The following CEP192 variants were observed in gnomAD, a reference collection of about 807,000 sequenced individuals.
CEP192 encodes centrosomal protein 192, also known as centrosomal protein of 192 kDa.
CEP192 carries 151 observed loss-of-function variants against 271.8 expected under a neutral mutation model. The observed-to-expected ratio is 0.56, with a 90% CI of 0.49 to 0.64. The LOEUF (loss-of-function observed/expected upper bound fraction) is 0.64. Among genes scored for constraint, CEP192 ranks in the 30% least tolerant of loss-of-function variants. CEP192 has a pLI of 0.00. For synonymous variants in CEP192, 995 were observed against 1,076.5 expected, an observed-to-expected ratio of 0.92 and a Z score of 1.48; for missense variants, 2,910 against 3,020.5, an observed-to-expected ratio of 0.96 and a Z score of 0.86.
chr18:13,082,186 T>A (rs1311803299), intron 30 of CEP192, among the ~76,000 whole-genome samples: 3 of 152,160 alleles, frequency 2.0e-5, no homozygotes, highest in East Asian at 3.9e-4. Flanking sequence ...TGTTGATGTG[T>A]CTAATATTGA....
chr18:13,094,916 AT>A (rs1231685018), intron 34 of CEP192, among the ~76,000 whole-genome samples: 1 of 151,958 alleles, frequency 6.6e-6, no homozygotes, highest in South Asian at 2.1e-4. Context: ...TAATCCCCCT[AT>A]TTTTTAACTA....
At chr18:13,018,697 A>G in intron 8 of CEP192, 82 bp downstream of exon 8, 1 of 991,564 alleles carries the variant, frequency 1.0e-6, no homozygotes, top group South Asian at 2.1e-5. Context: ...TTTCTCTGGT[A>G]TGATTTAGCA....
chr18:13,092,598 T>G, intron 34 of CEP192, 71 bp downstream of exon 34: 1 of 1,064,218 alleles, frequency 9.4e-7, no homozygotes, highest in Non-Finnish European at 1.4e-6. Flanking sequence ...CTGATCTTTT[T>G]TCCTGTACTT....
At chr18:13,117,779 C>A (rs899188864) in intron 44 of CEP192, 136 bp downstream of exon 44, 19 of 614,430 alleles carry the variant, frequency 3.1e-5, no homozygotes, top group Non-Finnish European at 4.6e-5. Flanking sequence ...TAGGCAGAGT[C>A]TCCGCAAGTA....
At chr18:13,067,481 TTCA>T (rs1404134593) in intron 21 of CEP192, among the ~76,000 whole-genome samples, 1 of 152,212 alleles carries the variant, frequency 6.6e-6, no homozygotes, top group East Asian at 1.9e-4. Context: ...TGCCAAGATA[TTCA>T]TGATCTTTTT....
chr18:13,068,283 A>C, intron 23 of CEP192, 46 bp downstream of exon 23: 2 of 1,605,712 alleles, frequency 1.2e-6, no homozygotes, highest in Non-Finnish European at 1.7e-6. Flanking sequence ...TAAGCTTCTA[A>C]ACCTCTTTTC....
At chr18:13,008,423 AT>A (rs2034114911) in intron 3 of CEP192, 32 bp from the exon 4 acceptor site, 2 of 1,420,274 alleles carry the variant, frequency 1.4e-6, no homozygotes, top group Non-Finnish European at 1.9e-6. Context: ...GGTAACTAAC[AT>A]TTTATCATTC....
At chr18:13,080,433 CTGTT>C (rs1367513298) in intron 30 of CEP192, among the ~76,000 whole-genome samples, 5 of 152,092 alleles carry the variant, frequency 3.3e-5, no homozygotes, top group African/African-American at 9.7e-5. Context: ...ATTTGGCTCT[CTGTT>C]TGTCTGTTAT....
rs766430917 is a variant in CEP192, at chr18:13,017,194, A to G, written c.647A>G (p.Asp216Gly). ...TTCTCGATTTTATCAATAGATGATG[A>G]TATTGATGATGAAATGTTTTATGAT... is the stretch of plus-strand genomic sequence containing the variant. ...PTSLEDSSDD[D>G]IDDEMFYDDH... Residue 216 changes from aspartate to glycine, a missense_variant, in exon 7 of 45, where the codon GAT (aspartate) becomes GGT (glycine). Asp to Gly is a moderately conservative substitution (Grantham distance 94). Transcript: ENST00000506447. The G allele has an allele frequency of 6.5e-7, 1 of 1,541,448 alleles. No individual in the cohort carries two copies. Among genetic ancestry groups the G allele is most frequent in the South Asian group, 1.2e-5 (1 of 82,140 alleles).
intron 21 of CEP192, among the ~76,000 whole-genome samples, chr18:13,062,828 ATTCT>A (rs1431503542): frequency 6.6e-6 from 1 of 152,092 alleles, no homozygotes; most frequent in Non-Finnish European, 1.5e-5. Context: ...GTCTTAATTC[ATTCT>A]TTCTATTTGT....
Position 13,056,479 on chromosome 18 carries a change from C to T in CEP192, c.3889C>T (p.Pro1297Ser). Reference protein sequence around the residue: ...VCGFSGGLPYPAVAGEPVQNS... With the variant: ...VCGFSGGLPYSAVAGEPVQNS... ...TGGCTTCTCAGGAGGCCTTCCCTATCCAGCTGTTGCAGGAGAGCCTGTGCA... is the reference window on the plus strand; with the variant it reads ...TGGCTTCTCAGGAGGCCTTCCCTATTCAGCTGTTGCAGGAGAGCCTGTGCA... The change falls in exon 19 of 45, where the codon CCA (proline) becomes TCA (serine). Residue 1297 changes from proline to serine, a missense_variant. Pro to Ser is a moderately conservative substitution (Grantham distance 74, BLOSUM62 -1). Transcript: ENST00000506447. 6.2e-7 allele frequency: 1 copy of T among 1,614,218 alleles called. No homozygotes were observed. The highest frequency in any genetic ancestry group is 8.5e-7 in the Non-Finnish European group (1 of 1,180,020).
In CEP192 at chr18:13,051,184, A is replaced by G. The variant is rs555300264; in HGVS notation, c.3017+1293A>G. On this transcript the variant is annotated intron_variant, in intron 17 of 44. Coordinates refer to ENST00000506447, the MANE Select transcript of CEP192 (RefSeq NM_032142.4). ...TTGTTACTTTGCTCTGTCATACAGT[A>G]TACCCTTTCGGTATGTCTTCCCTTT... Among the ~76,000 whole-genome samples, 89 of 152,336 alleles carry G rather than the reference A, an allele frequency of 5.8e-4. No homozygotes were observed. In the Middle Eastern group the frequency reaches 0.01, roughly 17 times the overall value.
At chr18:13,069,038 A>G (rs375132931) in intron 25 of CEP192, 47 bp downstream of exon 25, 1 of 1,613,926 alleles carries the variant, frequency 6.2e-7, no homozygotes, top group African/African-American at 1.3e-5. Flanking sequence ...ATTCATGCTG[A>G]TTTCACTTTG....
In CEP192 at chr18:13,029,896, G is replaced by A; in HGVS notation, c.1284G>A (p.Leu428=). 6.4e-7 allele frequency: 1 copy of A among 1,551,686 alleles called. No homozygotes were observed. The highest frequency in any genetic ancestry group is 8.7e-7 in the Non-Finnish European group (1 of 1,146,978). ...AAGAAAATGTGGATGTAGCCTCTTT[G>A]AAGCCCATTAGTGACAGTGGAATTA... ...SIQENVDVAS[L]KPISDSGINF... is the part of the protein sequence containing the mutation. Residue 428 remains leucine, a synonymous_variant, in exon 10 of 45, where the codon TTG becomes TTA. Coordinates refer to ENST00000506447, the MANE Select transcript of CEP192 (RefSeq NM_032142.4).
intron 30 of CEP192, among the ~76,000 whole-genome samples, chr18:13,081,063 C>T (rs1434767215): frequency 1.3e-5 from 2 of 152,172 alleles, no homozygotes; most frequent in Non-Finnish European, 2.9e-5. Context: ...AAGATTTTCC[C>T]ATCGATGTTC....
In CEP192 at chr18:13,095,537, G is replaced by A. The variant is rs762990329; in HGVS notation, c.6289G>A (p.Val2097Ile). ...LGASGKHGGN[V>I]SLDVLPVKGP... ...AGCTTCTGGGAAACATGGTGGCAAC[G>A]TCTCTTTGGATGTTTTACCAGTCAA... The change falls in exon 35 of 45, where the codon GTC (valine) becomes ATC (isoleucine). Residue 2097 changes from valine to isoleucine, a missense_variant. Physicochemically the swap from Val to Ile is conservative, Grantham distance 29. Coordinates refer to ENST00000506447, the MANE Select transcript of CEP192 (RefSeq NM_032142.4). 3.1e-6 allele frequency: 5 copies of A among 1,612,936 alleles called. No individual in the cohort carries two copies. The highest frequency in any genetic ancestry group is 1.1e-5 in the South Asian group (1 of 90,694).
At chr18:13,052,528 C>T (rs570870655) in intron 17 of CEP192, among the ~76,000 whole-genome samples, 1 of 152,222 alleles carries the variant, frequency 6.6e-6, no homozygotes, top group East Asian at 1.9e-4. Flanking sequence ...CTTGATAGTC[C>T]CACAGTGGTG....
Position 13,050,619 on chromosome 18 carries a change from G to A in CEP192, c.3017+728G>A, listed in dbSNP as rs371057065. On this transcript the variant is annotated intron_variant, in intron 17 of 44. Coordinates refer to ENST00000506447, the MANE Select transcript of CEP192 (RefSeq NM_032142.4). ...TTTTCCGACAGAGTCTCGCTCTGTG[G>A]GCCAGGCTGGAGTGCAGTGGTGTGA... 2.2e-3 allele frequency among the ~76,000 whole-genome samples: 330 copies of A among 151,506 alleles called. 2 individuals are homozygous for A. The highest frequency in any genetic ancestry group is 7.6e-3 in the African/African-American group (312 of 41,250).
intron 9 of CEP192, among the ~76,000 whole-genome samples, chr18:13,024,498 C>T (rs1355906398): frequency 2.0e-5 from 3 of 152,118 alleles, no homozygotes; most frequent in Non-Finnish European, 4.4e-5. Flanking sequence ...GAGTCTTGCT[C>T]TGTTGCCAGG....
Sources: gnomAD v4.1 joint callset for allele counts (sites outside exome capture counted in the v4.1 genomes callset) on GRCh38, gnomAD v4.1.1 for gene constraint, MANE v1.5 for transcripts, NCBI Gene and HGNC (gene_info 2026-07-23, HGNC 2026-07-21) for gene names.